Variants in EDARADD observed in about 807,000 individuals in gnomAD.
The protein encoded by EDARADD is EDAR associated via death domain.
In EDARADD, 20 loss-of-function variants were observed where a neutral mutation model predicts 25.6. That is an observed-to-expected ratio of 0.78 (90% CI 0.55 to 1.14). EDARADD has a LOEUF of 1.14. Ranked by LOEUF, EDARADD falls within the 50% of genes most tolerant of loss-of-function variation. The pLI is 0.00. For synonymous variants in EDARADD, 86 were observed against 94.4 expected (o/e 0.91, Z 0.52); for missense variants, 225 against 270.1 (o/e 0.83, Z 1.17).
intron 4 of EDARADD, among the ~76,000 whole-genome samples, chr1:236,444,558 A>AT (rs1409423636): frequency 6.6e-6 from 1 of 152,102 alleles, no homozygotes; most frequent in Non-Finnish European, 1.5e-5. Context: ...AGTAGCTGGG[A>AT]TTACAGGCAT....
intron 1 of EDARADD, 41 bp downstream of exon 1, chr1:236,394,546 G>C (rs1269672772): frequency 1.1e-5 from 17 of 1,588,842 alleles, no homozygotes; most frequent in Non-Finnish European, 1.3e-5. Context: ...TCTCAGAGCT[G>C]AGTTTTTAGC....
chr1:236,451,350 G>A (rs1658706709), intron 4 of EDARADD, among the ~76,000 whole-genome samples: 1 of 152,018 alleles, frequency 6.6e-6, no homozygotes, highest in African/African-American at 2.4e-5. Flanking sequence ...ATAAATATCT[G>A]GTTAACGTTA....
At chr1:236,384,936 A>G (rs1380776873) in intron 3 of EDARADD, among the ~76,000 whole-genome samples, 3 of 151,958 alleles carry the variant, frequency 2.0e-5, no homozygotes, top group Non-Finnish European at 4.4e-5. Context: ...AAATTTGGAT[A>G]CTCACCTTTG....
chr1:236,440,635 GCCA>G (rs1658374114), intron 4 of EDARADD, among the ~76,000 whole-genome samples: 1 of 151,340 alleles, frequency 6.6e-6, no homozygotes, highest in African/African-American at 2.4e-5. Context: ...GACTCTTGCT[GCCA>G]TTTTTCTAAC....
At chr1:236,414,857 A>T (rs1657593482) in intron 3 of EDARADD, among the ~76,000 whole-genome samples, 1 of 151,124 alleles carries the variant, frequency 6.6e-6, no homozygotes. Flanking sequence ...TGGGCAACAA[A>T]CTCCATCTCA....
At chr1:236,480,095 C>CTATATATA (rs1659626315) in intron 5 of EDARADD, among the ~76,000 whole-genome samples, 1 of 40,844 alleles carries the variant, frequency 2.4e-5, no homozygotes. Context: ...TTTAAGTATG[C>CTATATATA]CATATATATA....
intron 3 of EDARADD, among the ~76,000 whole-genome samples, chr1:236,371,728 C>T (rs1323594118): frequency 6.6e-6 from 1 of 151,842 alleles, no homozygotes; most frequent in East Asian, 1.9e-4. Context: ...TGCCACCATG[C>T]CCAGCTAATT....
At chr1:236,403,326 C>G (rs546768720) in intron 1 of EDARADD, among the ~76,000 whole-genome samples, 3 of 149,494 alleles carry the variant, frequency 2.0e-5, no homozygotes, top group African/African-American at 7.4e-5. Context: ...CTCGCTCTGT[C>G]GACCAGGCTG....
intron 5 of EDARADD, among the ~76,000 whole-genome samples, chr1:236,468,607 G>A (rs997472833): frequency 2.0e-5 from 3 of 152,102 alleles, no homozygotes; most frequent in Non-Finnish European, 2.9e-5. Flanking sequence ...ACAACAGAGC[G>A]AAACTCCATC....
chr1:236,401,857 A>G (rs1667616833), intron 1 of EDARADD, among the ~76,000 whole-genome samples: 1 of 152,236 alleles, frequency 6.6e-6, no homozygotes, highest in South Asian at 2.1e-4. Flanking sequence ...AAATCATCAG[A>G]GTGGGCTCTA....
Position 236,414,293 on chromosome 1 carries a change from C to G in EDARADD, c.154C>G (p.Pro52Ala), listed in dbSNP as rs1259703946. 1.2e-6 allele frequency: 2 copies of G among 1,609,646 alleles called. No homozygotes were observed. The highest frequency in any genetic ancestry group is 1.7e-6 in the Non-Finnish European group (2 of 1,176,222). Reference sequence around the variant, plus strand: ...ATATCCCATTCAAGATACGGAACTCCCTAAAGGTATGTACAGTTAAAATAA... The same window carrying G: ...ATATCCCATTCAAGATACGGAACTCGCTAAAGGTATGTACAGTTAAAATAA... Reference protein sequence around the residue: ...DKYPIQDTELPKAEECDTITL... With the variant: ...DKYPIQDTELAKAEECDTITL... Residue 52 changes from proline (P) to alanine (A), a missense_variant, in exon 3 of 6, where the codon CCT (proline) becomes GCT (alanine). Transcript: ENST00000334232.
At chr1:236,373,363 G>A (rs141709219) in intron 3 of EDARADD, among the ~76,000 whole-genome samples, 1,635 of 151,600 alleles carry the variant, frequency 0.011, 10 homozygotes, top group Non-Finnish European at 0.017. Context: ...GCTTCACCAT[G>A]CCCAGCCAAT....
intron 4 of EDARADD, among the ~76,000 whole-genome samples, chr1:236,447,170 C>T (rs59165075): frequency 0.07 from 6,436 of 91,340 alleles, 396 homozygotes; most frequent in African/African-American, 0.15. Flanking sequence ...CCCTCCCTCC[C>T]TCTTTCTTTC....
intron 3 of EDARADD, among the ~76,000 whole-genome samples, chr1:236,384,608 T>C (rs1485933642): frequency 4.6e-5 from 7 of 152,152 alleles, no homozygotes; most frequent in Admixed American, 4.6e-4. Flanking sequence ...TAGGCTGGTC[T>C]CAAACTCCTG....
At chr1:236,454,529 AG>A (rs1327063928) in intron 4 of EDARADD, among the ~76,000 whole-genome samples, 1 of 152,232 alleles carries the variant, frequency 6.6e-6, no homozygotes, top group Non-Finnish European at 1.5e-5. Context: ...ATCCAGAACT[AG>A]AGCAGGGGGA....
chr1:236,360,328 AAAG>A lies in EDARADD; in HGVS notation c.-6+9502_-6+9504del, dbSNP rs571274176. ...GAGCTAGATCCTGTCTTAAAAAAAA[AAAG>A]AAGAAGAAGAAGTGGGGATTTCAGG... On this transcript the variant is annotated intron_variant, in intron 3 of 7. Coordinates refer to the EDARADD transcript ENST00000439430. 6.1e-3 allele frequency among the ~76,000 whole-genome samples: 923 copies of A among 151,966 alleles called. 8 individuals are homozygous for A. Among genetic ancestry groups the A allele is most frequent in the African/African-American group, 0.021 (861 of 41,398 alleles).
intron 3 of EDARADD, among the ~76,000 whole-genome samples, chr1:236,375,879 C>T (rs1265710240): frequency 6.6e-6 from 1 of 151,042 alleles, no homozygotes; most frequent in East Asian, 1.9e-4. Context: ...AGATTGAGCC[C>T]CTGTCTCTAA....
At chr1:236,436,783 TTTGGTTGGGACAG>T (rs1300754177) in intron 4 of EDARADD, among the ~76,000 whole-genome samples, 15 of 152,076 alleles carry the variant, frequency 9.9e-5, no homozygotes, top group Non-Finnish European at 2.1e-4. Context: ...AATCACGGCA[TTTGGTTGGGACAG>T]TTGGTTGGGA....
chr1:236,355,294 C>T lies in EDARADD; in HGVS notation c.-6+4455C>T, dbSNP rs1572106433. On this transcript the variant is annotated intron_variant, in intron 3 of 7. Transcript: ENST00000439430. ...ATCCACTTGTGTATTTTTCAAAGTA[C>T]TTTCACTCATTCCATCACTTCTTTT... is the stretch of plus-strand genomic sequence containing the variant. Among the ~76,000 whole-genome samples the T allele has an allele frequency of 1.3e-5, 2 of 152,092 alleles. 1 individual carries two copies. The highest frequency in any genetic ancestry group is 3.9e-4 in the East Asian group (2 of 5,160).
Sources: gnomAD v4.1 joint callset for allele counts (sites outside exome capture counted in the v4.1 genomes callset) on GRCh38, gnomAD v4.1.1 for gene constraint, MANE v1.5 for transcripts, NCBI Gene and HGNC (gene_info 2026-07-23, HGNC 2026-07-21) for gene names.